Variants in RANBP2 observed in about 807,000 individuals in gnomAD.
The protein encoded by RANBP2 is E3 SUMO-protein ligase RanBP2.
A neutral mutation model predicts 303.6 loss-of-function variants in RANBP2; 57 were observed. The observed-to-expected ratio is 0.19, with a 90% CI of 0.15 to 0.23. RANBP2 has a LOEUF of 0.23. Among genes scored for constraint, RANBP2 ranks in the 10% least tolerant of loss-of-function variants. The pLI is 1.00. For synonymous variants in RANBP2, 1,167 were observed against 1,301.5 expected, an observed-to-expected ratio of 0.90 and a Z score of 2.23; for missense variants, 3,138 against 3,780.8, an observed-to-expected ratio of 0.83 and a Z score of 4.46.
the RANBP2 span, among the ~76,000 whole-genome samples, chr2:109,688,753 T>C: frequency 8.4e-6 from 1 of 118,916 alleles, no homozygotes; most frequent in Non-Finnish European, 1.6e-5. Flanking sequence ...CACTCCAGCC[T>C]GGGTGACGGA....
the RANBP2 span, among the ~76,000 whole-genome samples, chr2:109,198,084 G>A: frequency 6.6e-6 from 1 of 152,124 alleles, no homozygotes; most frequent in Non-Finnish European, 1.5e-5. Flanking sequence ...GGGGGTGCTC[G>A]GGAGTGTGGA....
chr2:109,521,090 A>G, the RANBP2 span, among the ~76,000 whole-genome samples: 8,783 of 150,614 alleles, frequency 0.058, 869 homozygotes, highest in African/African-American at 0.2. Context: ...GGTGGCGGGC[A>G]CCTGTAGTCC....
the RANBP2 span, among the ~76,000 whole-genome samples, chr2:109,274,387 G>A: frequency 1.3e-5 from 2 of 152,206 alleles, no homozygotes; most frequent in African/African-American, 2.4e-5. Flanking sequence ...CAGCCCAAGT[G>A]TCTATCAGTG....
At chr2:109,175,020 C>T in the RANBP2 span, among the ~76,000 whole-genome samples, 1 of 152,186 alleles carries the variant, frequency 6.6e-6, no homozygotes, top group African/African-American at 2.4e-5. Flanking sequence ...TGTCTTTTGG[C>T]TTCCTTGAGT....
chr2:109,043,344 G>T, the RANBP2 span, among the ~76,000 whole-genome samples: 1 of 151,862 alleles, frequency 6.6e-6, no homozygotes, highest in Non-Finnish European at 1.5e-5. Flanking sequence ...TTTATAACAT[G>T]AACTTTTTTT....
At chr2:109,122,208 G>A in the RANBP2 span, among the ~76,000 whole-genome samples, 1 of 152,188 alleles carries the variant, frequency 6.6e-6, no homozygotes, top group African/African-American at 2.4e-5. Flanking sequence ...TTTCCACACG[G>A]CTGTGGTTTC....
At chr2:108,728,691 G>A (rs1364106922) in intron 1 of RANBP2, among the ~76,000 whole-genome samples, 2 of 151,934 alleles carry the variant, frequency 1.3e-5, no homozygotes, top group African/African-American at 2.4e-5. Context: ...GCAATGGCAC[G>A]ATCTCAGCTC....
At chr2:108,879,905 A>G in the RANBP2 span, among the ~76,000 whole-genome samples, 34 of 152,274 alleles carry the variant, frequency 2.2e-4, 1 homozygote, top group Admixed American at 7.2e-4. Context: ...TTTCTAGAGT[A>G]AACAATGTAA....
chr2:109,441,626 A>C, the RANBP2 span, among the ~76,000 whole-genome samples: 1 of 152,240 alleles, frequency 6.6e-6, no homozygotes, highest in East Asian at 1.9e-4. Flanking sequence ...GGACAGAAAA[A>C]TGATTTGAAG....
At chr2:108,980,008 C>T in the RANBP2 span, among the ~76,000 whole-genome samples, 137 of 150,002 alleles carry the variant, frequency 9.1e-4, no homozygotes, top group African/African-American at 3.1e-3. Flanking sequence ...CAGTGTGATG[C>T]ATTCACCTCT....
At chr2:109,059,407 C>G in the RANBP2 span, among the ~76,000 whole-genome samples, 1 of 152,080 alleles carries the variant, frequency 6.6e-6, no homozygotes, top group Non-Finnish European at 1.5e-5. Flanking sequence ...AACCCCGTCT[C>G]TACTAAAAAT....
At chr2:109,228,271 C>T in the RANBP2 span, among the ~76,000 whole-genome samples, 220 of 152,296 alleles carry the variant, frequency 1.4e-3, 5 homozygotes, top group South Asian at 0.029. Context: ...GTCTATCCCC[C>T]AAAGGCTTTT....
intron 2 of RANBP2, among the ~76,000 whole-genome samples, chr2:108,730,567 A>G (rs1695086677): frequency 6.6e-6 from 1 of 152,208 alleles, no homozygotes; most frequent in Non-Finnish European, 1.5e-5. Flanking sequence ...TAATGGTAAA[A>G]TGAGTATGTG....
At chr2:109,184,420 A>G in the RANBP2 span, among the ~76,000 whole-genome samples, 5 of 152,154 alleles carry the variant, frequency 3.3e-5, no homozygotes, top group Non-Finnish European at 7.4e-5. Context: ...GATATGTCAG[A>G]TGTGGTCTTT....
At chr2:108,728,632 A>ATGG in intron 1 of RANBP2, among the ~76,000 whole-genome samples, 1 of 147,048 alleles carries the variant, frequency 6.8e-6, no homozygotes. Context: ...GATGATGATG[A>ATGG]TGATGATGTT....
chr2:109,469,751 A>T, the RANBP2 span, among the ~76,000 whole-genome samples: 26 of 152,332 alleles, frequency 1.7e-4, no homozygotes, highest in Admixed American at 1.7e-3. Context: ...TTTTTGCTGA[A>T]CAAAAGAACC....
chr2:109,576,797 A>C, the RANBP2 span, among the ~76,000 whole-genome samples: 2 of 152,190 alleles, frequency 1.3e-5, no homozygotes, highest in Non-Finnish European at 2.9e-5. Flanking sequence ...ACAAAAAGAT[A>C]AAAAATATGA....
intron 25 of RANBP2, 109 bp downstream of exon 25, chr2:108,777,340 C>T (rs370342290): frequency 7.8e-6 from 4 of 511,102 alleles, no homozygotes; most frequent in African/African-American, 4.0e-5. Context: ...TCTTCCCTTA[C>T]CCCCCAGTTT....
chr2:108,839,280 G>T, the RANBP2 span: 3 of 1,611,486 alleles, frequency 1.9e-6, no homozygotes, highest in Non-Finnish European at 2.5e-6. Flanking sequence ...GGTCCCTAAG[G>T]CAGCTAGATG....
Sources: allele counts gnomAD v4.1 joint callset (sites outside exome capture counted in the v4.1 genomes callset), GRCh38; gene constraint gnomAD v4.1.1; transcripts MANE v1.5; gene names NCBI Gene and HGNC (gene_info 2026-07-23, HGNC 2026-07-21).